Variants in NRG1 observed in about 807,000 individuals in gnomAD.
NRG1 encodes the protein neuregulin 1, also known as pro-neuregulin-1, membrane-bound isoform.
Under a neutral mutation model 63.8 loss-of-function variants are expected in NRG1, and 18 were observed. The observed-to-expected ratio is 0.28, with a 90% CI of 0.19 to 0.42. The LOEUF (loss-of-function observed/expected upper bound fraction) is 0.42. NRG1 is among the 10% of genes least tolerant of loss of function. NRG1 has a pLI of 1.00. For missense variants in NRG1, 762 were observed against 814.7 expected (o/e 0.94, Z 0.79); for synonymous variants, 302 against 301.3 (o/e 1.00, Z -0.02).
rs141490956 is a variant in NRG1, at chr8:32,750,252, T to G, written c.692-4120T>G. Reference sequence around the variant, plus strand: ...GATTCCAGTGGTAATGGAATTAAATTTGAGTCATGAAGATTATCCAGACAA... The same window carrying G: ...GATTCCAGTGGTAATGGAATTAAATGTGAGTCATGAAGATTATCCAGACAA... On this transcript the variant is annotated intron_variant, in intron 7 of 11. Transcript: ENST00000356819. Among the ~76,000 whole-genome samples the G allele has an allele frequency of 9.1e-3, 1,388 of 152,294 alleles. 23 individuals carry two copies. Among genetic ancestry groups the G allele is most frequent in the African/African-American group, 0.032 (1,347 of 41,568 alleles).
chr8:32,540,204 G>A (rs1046188165), intron 1 of NRG1, among the ~76,000 whole-genome samples: 9 of 152,152 alleles, frequency 5.9e-5, no homozygotes, highest in African/African-American at 2.2e-4. Context: ...GGAGAGTATG[G>A]ATTAGATTTT....
At chr8:32,371,815 A>G (rs140422159) in intron 1 of NRG1, among the ~76,000 whole-genome samples, 1 of 152,190 alleles carries the variant, frequency 6.6e-6, no homozygotes, top group Admixed American at 6.5e-5. Context: ...TTCATTGTGG[A>G]GCTTCCCCAG....
intron 1 of NRG1, among the ~76,000 whole-genome samples, chr8:32,005,502 T>C (rs1813629286): frequency 6.6e-6 from 1 of 151,956 alleles, no homozygotes; most frequent in Non-Finnish European, 1.5e-5. Context: ...TCTTTCAAAA[T>C]AATAATTGCT....
chr8:32,415,438 C>A (rs1289052741), intron 1 of NRG1, among the ~76,000 whole-genome samples: 1 of 147,680 alleles, frequency 6.8e-6, no homozygotes, highest in Non-Finnish European at 1.5e-5. Context: ...AAAAAAAATG[C>A]GGCAATCACA....
intron 1 of NRG1, among the ~76,000 whole-genome samples, chr8:32,359,808 G>T (rs1806977120): frequency 6.6e-6 from 1 of 152,164 alleles, no homozygotes; most frequent in African/African-American, 2.4e-5. Context: ...GTGTTGAAAA[G>T]GCTTCCAGAA....
chr8:32,022,734 T>A (rs1816648848), intron 1 of NRG1, among the ~76,000 whole-genome samples: 2 of 152,196 alleles, frequency 1.3e-5, no homozygotes, highest in African/African-American at 4.8e-5. Context: ...CAAGACCTCA[T>A]AATTGTATAT....
intron 6 of NRG1, among the ~76,000 whole-genome samples, chr8:32,729,287 T>C (rs1823047841): frequency 6.6e-6 from 1 of 152,180 alleles, no homozygotes; most frequent in Non-Finnish European, 1.5e-5. Flanking sequence ...GATGTGGGCA[T>C]AAAAATATAT....
intron 1 of NRG1, among the ~76,000 whole-genome samples, chr8:32,428,354 T>TC (rs1435153537): frequency 6.6e-6 from 1 of 151,910 alleles, no homozygotes; most frequent in East Asian, 1.9e-4. Context: ...TTTTTTTTTT[T>TC]TCTTCCTTAC....
chr8:31,997,024 A>G (rs1812099771), intron 1 of NRG1, among the ~76,000 whole-genome samples: 1 of 151,962 alleles, frequency 6.6e-6, no homozygotes, highest in Non-Finnish European at 1.5e-5. Context: ...TTATTAAGGC[A>G]AACGTTTCTA....
chr8:32,356,483 C>G (rs376315991), intron 1 of NRG1, among the ~76,000 whole-genome samples: 4,154 of 121,092 alleles, frequency 0.034, 233 homozygotes, highest in Middle Eastern at 0.056. Flanking sequence ...GACCCCCCCC[C>G]CACCCGCCGG....
chr8:32,273,289 T>C (rs1330579576), intron 1 of NRG1, among the ~76,000 whole-genome samples: 1 of 152,152 alleles, frequency 6.6e-6, no homozygotes, highest in Non-Finnish European at 1.5e-5. Flanking sequence ...TTTAGAAAGC[T>C]ATTAGATTCC....
chr8:32,571,002 AT>A (rs1191856912), intron 1 of NRG1, among the ~76,000 whole-genome samples: 3 of 152,210 alleles, frequency 2.0e-5, no homozygotes, highest in Non-Finnish European at 2.9e-5. Flanking sequence ...ATGTGTGAAT[AT>A]ATGGGCAACA....
At chr8:31,767,368 C>G (rs143903771) in intron 1 of NRG1, among the ~76,000 whole-genome samples, 1 of 152,312 alleles carries the variant, frequency 6.6e-6, no homozygotes, top group East Asian at 1.9e-4. Flanking sequence ...GAGTCCTATG[C>G]TCCTTTAACA....
chr8:31,714,387 G>A (rs1237156436), intron 1 of NRG1, among the ~76,000 whole-genome samples: 1 of 151,978 alleles, frequency 6.6e-6, no homozygotes, highest in Non-Finnish European at 1.5e-5. Context: ...GGATTTTTAG[G>A]CTATAAAATT....
At chr8:31,864,716 G>C (rs953277826) in intron 1 of NRG1, among the ~76,000 whole-genome samples, 1 of 152,190 alleles carries the variant, frequency 6.6e-6, no homozygotes, top group Non-Finnish European at 1.5e-5. Context: ...AGAACAGTGA[G>C]AGCACTGAAA....
chr8:32,355,389 G>A (rs1037804251), intron 1 of NRG1, among the ~76,000 whole-genome samples: 8 of 152,106 alleles, frequency 5.3e-5, no homozygotes, highest in African/African-American at 1.9e-4. Context: ...AACCTGGGAG[G>A]TGGAGGTTGC....
At chr8:31,819,922 ATTC>A (rs1464737338) in intron 1 of NRG1, among the ~76,000 whole-genome samples, 1 of 152,200 alleles carries the variant, frequency 6.6e-6, no homozygotes, top group African/African-American at 2.4e-5. Flanking sequence ...CATTATTCAA[ATTC>A]TTCATCTTTA....
intron 1 of NRG1, among the ~76,000 whole-genome samples, chr8:32,513,052 A>G (rs1829396076): frequency 6.6e-6 from 1 of 152,130 alleles, no homozygotes; most frequent in Non-Finnish European, 1.5e-5. Context: ...CTTTCTATAA[A>G]GACAAAGAGG....
chr8:32,038,357 A>C (rs376900248), intron 1 of NRG1, among the ~76,000 whole-genome samples: 6 of 151,762 alleles, frequency 4.0e-5, no homozygotes, highest in South Asian at 2.1e-4. Context: ...TCAATTGAAG[A>C]TGCAGAATTT....
Sources: allele counts gnomAD v4.1 joint callset (sites outside exome capture counted in the v4.1 genomes callset), GRCh38; gene constraint gnomAD v4.1.1; transcripts MANE v1.5; gene names NCBI Gene and HGNC (gene_info 2026-07-23, HGNC 2026-07-21).